Variants in IL20RA observed in about 807,000 individuals in gnomAD.
IL20RA encodes interleukin 20 receptor subunit alpha, also known as interleukin-20 receptor subunit alpha.
IL20RA carries 29 observed loss-of-function variants against 36.5 expected under a neutral mutation model. That is an observed-to-expected ratio of 0.79 (90% CI 0.59 to 1.08). The LOEUF is 1.08. Among genes scored for constraint, IL20RA ranks in the 50% least tolerant of loss-of-function variants. The probability of loss-of-function intolerance (pLI) is 0.00; values close to 1 mark genes in which losing one functional copy is unlikely to be tolerated. For missense variants in IL20RA, 652 were observed against 668.4 expected (o/e 0.98, Z 0.27); for synonymous variants, 279 against 267.1 (o/e 1.04, Z -0.43).
chr6:137,005,726 C>T (rs1264510396), intron 5 of IL20RA, among the ~76,000 whole-genome samples: 8 of 151,950 alleles, frequency 5.3e-5, no homozygotes, highest in Admixed American at 1.3e-4. Flanking sequence ...AGATTACTAC[C>T]TATAATGTGG....
At chr6:137,033,632 C>T (rs1314066326) in intron 1 of IL20RA, among the ~76,000 whole-genome samples, 2 of 152,234 alleles carry the variant, frequency 1.3e-5, no homozygotes, top group African/African-American at 2.4e-5. Flanking sequence ...CTTCCGCCTT[C>T]TGCCATGATT....
chr6:137,020,681 T>G (rs530945181), intron 1 of IL20RA, among the ~76,000 whole-genome samples: 29 of 152,350 alleles, frequency 1.9e-4, no homozygotes, highest in African/African-American at 6.7e-4. Flanking sequence ...TTTTTGAATT[T>G]TTTTTTAAAA....
intron 1 of IL20RA, among the ~76,000 whole-genome samples, chr6:137,018,461 T>C (rs1033493125): frequency 1.3e-5 from 2 of 152,094 alleles, no homozygotes; most frequent in Non-Finnish European, 2.9e-5. Flanking sequence ...TTTTGTTTTA[T>C]TTTTTTAAAA....
In IL20RA at chr6:137,001,826, G is replaced by A. The variant is rs1775057854; in HGVS notation, c.1394C>T (p.Thr465Ile). Reference sequence around the variant, plus strand: ...TTCCTCCGGCCCCTCCTCCGAGTCTGTGTGCTCCTGCGCCAGGGGGTCTAA... The same window carrying A: ...TTCCTCCGGCCCCTCCTCCGAGTCTATGTGCTCCTGCGCCAGGGGGTCTAA... ...QDLDPLAQEH[T>I]DSEEGPEEEP... Residue 465 changes from threonine (T) to isoleucine (I), a missense_variant, in exon 7 of 7, where the codon ACA (threonine) becomes ATA (isoleucine). Physicochemically the swap from Thr to Ile is moderately conservative, Grantham distance 89 (BLOSUM62 -1). Coordinates refer to ENST00000316649, the MANE Select transcript of IL20RA (RefSeq NM_014432.4). 1 of 1,613,408 alleles carries A rather than the reference G, an allele frequency of 6.2e-7. No homozygotes were observed. The highest frequency in any genetic ancestry group is 1.3e-5 in the African/African-American group (1 of 74,908).
chr6:137,014,072 G>A (rs1293333516), intron 2 of IL20RA, among the ~76,000 whole-genome samples: 3 of 152,136 alleles, frequency 2.0e-5, no homozygotes, highest in South Asian at 2.1e-4. Context: ...ACATGCTCAC[G>A]AGCCTTTTCT....
rs995660440 is a variant in IL20RA at position 137,000,054 on chromosome 6, A to G, written c.*1504T>C. On this transcript the variant is annotated 3_prime_UTR_variant, in exon 7 of 7. Transcript: ENST00000316649. ...TTGAACTACTTTTACAGTTAGTGTA[A>G]TACATCTGTTCTTCAAAACCAGCAG... The G allele has an allele frequency of 6.6e-6, 1 of 152,234 alleles. No homozygotes were observed. The highest frequency in any genetic ancestry group is 2.4e-5 in the African/African-American group (1 of 41,458). 9.4% of individuals were successfully genotyped at this position (152,234 alleles called of 1,614,324 possible). A position where few individuals can be genotyped will look rare whatever the true frequency, so the allele number is the denominator to read the frequency against.
chr6:137,044,830 C>T lies in IL20RA; in HGVS notation c.-102G>A. The T allele has an allele frequency of 1.9e-6, 2 of 1,075,284 alleles. No individual in the cohort carries two copies. The highest frequency in any genetic ancestry group is 2.3e-6 in the Non-Finnish European group (2 of 855,894). The allele number at this position is 1,075,284 out of a possible 1,614,324, so 66.6% of individuals were successfully genotyped here. A position where few individuals can be genotyped will look rare whatever the true frequency, so the allele number is the denominator to read the frequency against. ...CGCGGCCTCAGCTCCGCGCCTGGGG[C>T]TCTGCGTGCCACGCTCCAGGCGACC... On this transcript the variant is annotated 5_prime_UTR_variant, in exon 1 of 7. Transcript: ENST00000316649.
At chr6:137,008,894 A>T in intron 4 of IL20RA, 151 bp from the exon 5 acceptor site, 1 of 460,918 alleles carries the variant, frequency 2.2e-6, no homozygotes, top group Non-Finnish European at 3.6e-6. Context: ...TTTCAGCAAC[A>T]GTTTCAATAT....
At chr6:137,029,836 T>C (rs1776210267) in intron 1 of IL20RA, among the ~76,000 whole-genome samples, 2 of 151,966 alleles carry the variant, frequency 1.3e-5, no homozygotes, top group African/African-American at 4.8e-5. Context: ...CTTCTTTTTA[T>C]CCTCCTAGAG....
At chr6:137,004,573 TG>T in intron 6 of IL20RA, 47 bp downstream of exon 6, 1 of 1,560,014 alleles carries the variant, frequency 6.4e-7, no homozygotes, top group Non-Finnish European at 8.8e-7. Flanking sequence ...TCTGTCCTCC[TG>T]GAGGTGTACT....
intron 1 of IL20RA, among the ~76,000 whole-genome samples, chr6:137,023,625 A>G (rs1286367386): frequency 1.3e-5 from 2 of 152,324 alleles, no homozygotes; most frequent in Non-Finnish European, 1.5e-5. Context: ...AGGGAGATGC[A>G]TGGGAAGCTT....
chr6:137,001,493 G>T lies in IL20RA; in HGVS notation c.*65C>A, dbSNP rs1187382594. 7 of 1,403,590 alleles carry T rather than the reference G, an allele frequency of 5.0e-6. No homozygotes were observed. Among genetic ancestry groups the T allele is most frequent in the East Asian group, 4.7e-5 (2 of 42,572 alleles). The allele number at this position is 1,403,590 out of a possible 1,614,324, so 86.9% of individuals were successfully genotyped here. ...CTTCTTTCATCCCAGGTACTTTATG[G>T]CTGGGATCAAAGGGGTGACTCACTT... is the stretch of plus-strand genomic sequence containing the variant. On this transcript the variant is annotated 3_prime_UTR_variant, in exon 7 of 7. Transcript: ENST00000316649.
At chr6:137,026,013 T>C (rs276498) in intron 1 of IL20RA, among the ~76,000 whole-genome samples, 124,961 of 152,216 alleles carry the variant, frequency 0.82, 56,615 homozygotes, top group East Asian at 1. Context: ...CATTCATTAA[T>C]CAGTACAGAA....
Position 137,002,101 on chromosome 6 carries a change from A to C in IL20RA, c.1119T>G (p.Ser373=), listed in dbSNP as rs752762319. The change falls in exon 7 of 7, where the codon TCT becomes TCG. Residue 373 remains serine (S), a synonymous_variant. Coordinates refer to ENST00000316649, the MANE Select transcript of IL20RA (RefSeq NM_014432.4). ...GAGAAGTACCTTCCGTGTTTTCTTC[A>C]GAGTCACAAAAAATTTCCATCAAAT... The part of the protein sequence containing the change: ...ASHLMEIFCD[S]EENTEGTSLT... The C allele has an allele frequency of 5.6e-6, 9 of 1,614,190 alleles. No individual in the cohort carries two copies. Among genetic ancestry groups the C allele is most frequent in the Non-Finnish European group, 7.6e-6 (9 of 1,180,034 alleles).
intron 1 of IL20RA, among the ~76,000 whole-genome samples, chr6:137,038,588 A>G (rs1776573332): frequency 6.6e-6 from 1 of 152,120 alleles, no homozygotes; most frequent in South Asian, 2.1e-4. Context: ...GTGTTATGTC[A>G]TAAACTGTAG....
chr6:137,019,956 A>G (rs1219088711), intron 1 of IL20RA, among the ~76,000 whole-genome samples: 3 of 152,176 alleles, frequency 2.0e-5, no homozygotes, highest in Non-Finnish European at 4.4e-5. Context: ...TGGCATTCAC[A>G]GGTTGTATCA....
intron 5 of IL20RA, among the ~76,000 whole-genome samples, chr6:137,006,849 A>G (rs984719427): frequency 6.6e-6 from 1 of 151,638 alleles, no homozygotes; most frequent in African/African-American, 2.4e-5. Flanking sequence ...TCAGCTTCCC[A>G]AGTAGCTTGG....
At chr6:137,002,500 A>T (rs941261639) in intron 6 of IL20RA, 145 bp from the exon 7 acceptor site, 7 of 624,472 alleles carry the variant, frequency 1.1e-5, no homozygotes, top group Non-Finnish European at 1.9e-5. Flanking sequence ...CTTGCAATAT[A>T]CAGAAAACCT....
At chr6:137,027,065 T>G (rs1006354701) in intron 1 of IL20RA, among the ~76,000 whole-genome samples, 1 of 151,888 alleles carries the variant, frequency 6.6e-6, no homozygotes, top group Non-Finnish European at 1.5e-5. Context: ...GTATTTTTAG[T>G]GAGATGGGGT....
Sources: allele counts gnomAD v4.1 joint callset (sites outside exome capture counted in the v4.1 genomes callset), GRCh38; gene constraint gnomAD v4.1.1; transcripts MANE v1.5; gene names NCBI Gene and HGNC (gene_info 2026-07-23, HGNC 2026-07-21).